Variants in PI16 observed in about 807,000 individuals in gnomAD.
The protein encoded by PI16 is PSP94-binding protein.
Under a neutral mutation model 38.0 loss-of-function variants are expected in PI16, and 35 were observed. That is an observed-to-expected ratio of 0.92 (90% confidence interval 0.70 to 1.22). The LOEUF is 1.22. Ranked by LOEUF, PI16 falls within the 50% of genes most tolerant of loss-of-function variation. The probability of loss-of-function intolerance (pLI) is 0.00; values close to 1 mark genes in which losing one functional copy is unlikely to be tolerated. For missense variants in PI16, 572 were observed against 593.8 expected (o/e 0.96, Z 0.38); for synonymous variants, 275 against 252.9 (o/e 1.09, Z -0.83).
intron 1 of PI16, 152 bp downstream of exon 1, chr6:36,955,083 T>C: frequency 7.2e-7 from 1 of 1,381,766 alleles, no homozygotes; most frequent in Non-Finnish European, 9.4e-7. Flanking sequence ...GTCCCTGACA[T>C]GGTATTACAT....
At chr6:36,954,983 G>C (rs767066723) in intron 1 of PI16, 52 bp downstream of exon 1, 1 of 1,577,798 alleles carries the variant, frequency 6.3e-7, no homozygotes, top group Admixed American at 1.8e-5. Context: ...TGCTGGCCAG[G>C]GTCTGTCACC....
chr6:36,951,368 G>A (rs1763097413), upstream of PI16, among the ~76,000 whole-genome samples: 1 of 151,890 alleles, frequency 6.6e-6, no homozygotes, highest in East Asian at 1.9e-4. Context: ...TCCCACCTCA[G>A]CCTTCCTAGT....
At chr6:36,957,488 G>A (rs1426356443) in intron 1 of PI16, among the ~76,000 whole-genome samples, 3 of 152,174 alleles carry the variant, frequency 2.0e-5, no homozygotes, top group African/African-American at 7.2e-5. Flanking sequence ...TATGTCAATG[G>A]AAATTTGGGC....
upstream of PI16, among the ~76,000 whole-genome samples, chr6:36,953,471 G>C (rs1198654523): frequency 2.6e-5 from 4 of 151,804 alleles, no homozygotes; most frequent in African/African-American, 4.8e-5. Flanking sequence ...TAATTTCTAT[G>C]TGTTAATTTT....
At chr6:36,957,989 G>A (rs577486009) in intron 1 of PI16, among the ~76,000 whole-genome samples, 1 of 152,342 alleles carries the variant, frequency 6.6e-6, no homozygotes, top group Non-Finnish European at 1.5e-5. Flanking sequence ...TCAGGGGCCA[G>A]TGATTTGGGA....
chr6:36,962,005 GGGGTGT>G lies in PI16; in HGVS notation c.592+34_592+39del. 6.4e-7 allele frequency: 1 copy of G among 1,572,134 alleles called. No homozygotes were observed. Among genetic ancestry groups the G allele is most frequent in the South Asian group, 1.1e-5 (1 of 90,226 alleles). ...TCCACGGGTGGATGGGTAGGGGCAG[GGGGTGT>G]GGAAATGATGCGATGCAGACTGGAT... is the stretch of plus-strand genomic sequence containing the variant. On this transcript the variant is annotated intron_variant, in intron 4 of 6. Transcript: ENST00000373674. This position sits in a 1 kb window ranked among gnomAD's most constrained non-coding sequence, Gnocchi z 4.1.
chr6:36,958,908 T>G (rs80286622), intron 1 of PI16, among the ~76,000 whole-genome samples: 3,157 of 152,066 alleles, frequency 0.021, 126 homozygotes, highest in African/African-American at 0.071. Flanking sequence ...GTGCGGAAAG[T>G]TTAGACAATC....
At chr6:36,961,284 C>A (rs1455773482) in intron 2 of PI16, among the ~76,000 whole-genome samples, 167 bp from the exon 3 acceptor site, 1 of 152,182 alleles carries the variant, frequency 6.6e-6, no homozygotes, top group South Asian at 2.1e-4. Context: ...CCCATCCCTC[C>A]CCCTGGTTAG....
At chr6:36,964,065 C>G (rs1763447952) in intron 6 of PI16, 103 bp downstream of exon 6, 2 of 1,363,748 alleles carry the variant, frequency 1.5e-6, no homozygotes, top group African/African-American at 2.9e-5. Context: ...TGTGGCCCAG[C>G]AGCCCCCCTT....
chr6:36,948,606 CTTTCTT>C (rs1763047876), intron 1 of PI16, among the ~76,000 whole-genome samples: 1 of 142,660 alleles, frequency 7.0e-6, no homozygotes, highest in South Asian at 2.2e-4. Context: ...CTCTGTGTTT[CTTTCTT>C]TTTTTTTTTC....
chr6:36,954,538 T>C (rs1249610023), upstream of PI16: 4 of 579,358 alleles, frequency 6.9e-6, no homozygotes, highest in Non-Finnish European at 1.2e-5. Flanking sequence ...GAGCCCCCGT[T>C]ACCAAGAGAA....
At chr6:36,957,924 C>T (rs915386010) in intron 1 of PI16, among the ~76,000 whole-genome samples, 10 of 152,356 alleles carry the variant, frequency 6.6e-5, no homozygotes, top group Non-Finnish European at 1.2e-4. Flanking sequence ...TGGCCCCCAG[C>T]GCCCTGCCCC....
At chr6:36,949,113 TTCTCTCTC>T (rs912823422) in intron 1 of PI16, among the ~76,000 whole-genome samples, 3 of 147,450 alleles carry the variant, frequency 2.0e-5, no homozygotes, top group Non-Finnish European at 3.0e-5. Context: ...CTCTCCTCTC[TTCTCTCTC>T]TCTCTCTTCC....
chr6:36,956,132 G>T (rs945282940), intron 1 of PI16, among the ~76,000 whole-genome samples: 1 of 152,226 alleles, frequency 6.6e-6, no homozygotes, highest in Non-Finnish European at 1.5e-5. Context: ...GGAAACATGG[G>T]GCTGGCGATC....
chr6:36,962,793 AG>A lies in PI16; in HGVS notation c.593-138del. ...CGGCTTGTAACTTTTATTTTCAATG[AG>A]GGGCATATCAGCTGGAGAAGTGTAT... On this transcript the variant is annotated intron_variant, in intron 4 of 6. Transcript: ENST00000373674. The surrounding 1 kb of genome is among the most constrained non-coding windows in gnomAD (Gnocchi z 4.1). 1.4e-6 allele frequency: 1 copy of A among 722,638 alleles called. No homozygotes were observed. Among genetic ancestry groups the A allele is most frequent in the Non-Finnish European group, 2.2e-6 (1 of 447,454 alleles). 44.8% of individuals were successfully genotyped at this position (722,638 alleles called of 1,614,324 possible).
At position 36,954,805 on chromosome 6, in the gene PI16, G is replaced by A; in HGVS notation, c.45G>A (p.Leu15=). ...CSFLMLLLPL[L]LLLVATTGPV... is the part of the protein sequence containing the mutation. ...TCCTGATGCTTCTGCTGCCGCTACT[G>A]CTACTGCTGGTGGCCACCACAGGCC... Residue 15 remains leucine (L), a synonymous_variant, in exon 1 of 7, where the codon CTG becomes CTA. Transcript: ENST00000373674. 1 of 1,614,048 alleles carries A rather than the reference G, an allele frequency of 6.2e-7. No individual in the cohort carries two copies. The highest frequency in any genetic ancestry group is 8.5e-7 in the Non-Finnish European group (1 of 1,179,994).
In PI16 at chr6:36,963,205, T is replaced by C. The variant is rs75061272; in HGVS notation, c.863T>C (p.Val288Ala). The change falls in exon 5 of 7, where the codon GTC (valine) becomes GCC (alanine). Residue 288 changes from valine to alanine, a missense_variant. By Grantham distance (64) the Val-to-Ala change is moderately conservative. Coordinates refer to ENST00000373674, the MANE Select transcript of PI16 (RefSeq NM_153370.3). ...TEAPPCVTTE[V>A]PSILAAHSLP... ...GCTCCACCTTGCGTAACAACTGAGGTCCCTTCCATTTTGGCAGCTCACAGC... is the reference window on the plus strand; with the variant it reads ...GCTCCACCTTGCGTAACAACTGAGGCCCCTTCCATTTTGGCAGCTCACAGC... 6.2e-4 allele frequency: 1,005 copies of C among 1,614,172 alleles called. 19 individuals are homozygous for C. In the East Asian group the frequency reaches 0.02, roughly 32 times the overall value.
chr6:36,958,983 C>T (rs960309473), intron 1 of PI16, among the ~76,000 whole-genome samples, 162 bp from the exon 2 acceptor site: 5 of 152,184 alleles, frequency 3.3e-5, no homozygotes, highest in Non-Finnish European at 7.3e-5. Flanking sequence ...TTCACCGCCC[C>T]ACAGACGCCC....
intron 1 of PI16, among the ~76,000 whole-genome samples, chr6:36,956,966 C>A (rs1449914103): frequency 6.6e-6 from 1 of 152,192 alleles, no homozygotes; most frequent in Non-Finnish European, 1.5e-5. Flanking sequence ...CTTACCCCTA[C>A]CCCCTTCTCT....
Sources: allele counts gnomAD v4.1 joint callset (sites outside exome capture counted in the v4.1 genomes callset), GRCh38; gene constraint gnomAD v4.1.1; non-coding constraint Gnocchi (gnomAD v3.1); transcripts MANE v1.5; gene names NCBI Gene and HGNC (gene_info 2026-07-23, HGNC 2026-07-21).